The following NFATC1 variants were observed in gnomAD, a reference collection of about 807,000 sequenced individuals.
The protein encoded by NFATC1 is nuclear factor of activated T-cells, cytoplasmic 1.
Under a neutral mutation model 76.0 loss-of-function variants are expected in NFATC1, and 22 were observed. The observed-to-expected ratio is 0.29, with a 90% CI of 0.21 to 0.41. The LOEUF is 0.41. Ranked by LOEUF, NFATC1 falls within the 10% of genes least tolerant of loss-of-function variation. NFATC1 has a pLI of 1.00. For synonymous variants in NFATC1, 704 were observed against 613.1 expected (o/e 1.15, Z -2.19); for missense variants, 1,357 against 1,337.7 (o/e 1.01, Z -0.23).
At chr18:79,515,539 T>C (rs2090360349) in intron 9 of NFATC1, among the ~76,000 whole-genome samples, 1 of 151,846 alleles carries the variant, frequency 6.6e-6, no homozygotes, top group African/African-American at 2.4e-5. Flanking sequence ...GCGTATTGGC[T>C]TCTGAGTTGC....
chr18:79,509,527 G>T (rs972855433), intron 9 of NFATC1, among the ~76,000 whole-genome samples: 11 of 152,266 alleles, frequency 7.2e-5, no homozygotes, highest in Admixed American at 2.6e-4. Flanking sequence ...GTGCCATGCC[G>T]TGGGCCTCAC....
At chr18:79,506,681 T>C (rs1038023495) in intron 9 of NFATC1, among the ~76,000 whole-genome samples, 1 of 152,222 alleles carries the variant, frequency 6.6e-6, no homozygotes, top group Non-Finnish European at 1.5e-5. Context: ...GAATTTCTCG[T>C]AGGGAATAAA....
At chr18:79,469,622 A>C in intron 8 of NFATC1, 1 of 985,362 alleles carries the variant, frequency 1.0e-6, no homozygotes, top group Non-Finnish European at 1.2e-6. Context: ...CCCCCTGCCC[A>C]GTGTCTCGGC....
At chr18:79,428,413 G>A (rs1404425240) in intron 2 of NFATC1, among the ~76,000 whole-genome samples, 4 of 152,212 alleles carry the variant, frequency 2.6e-5, no homozygotes, top group Non-Finnish European at 5.9e-5. Context: ...GGACCCTAGT[G>A]GGTGAGCCGG....
chr18:79,453,370 G>T (rs1441250832), intron 6 of NFATC1, among the ~76,000 whole-genome samples: 2 of 152,224 alleles, frequency 1.3e-5, no homozygotes, highest in African/African-American at 2.4e-5. Flanking sequence ...TCCTGCCCTA[G>T]CCAAGTTACT....
chr18:79,432,263 G>A (rs1315718697), intron 2 of NFATC1, among the ~76,000 whole-genome samples: 1 of 145,460 alleles, frequency 6.9e-6, no homozygotes, highest in African/African-American at 2.6e-5. Context: ...AGATGGGGGA[G>A]TCACAGGCCC....
chr18:79,479,346 G>A (rs1222030892), intron 8 of NFATC1, among the ~76,000 whole-genome samples: 5 of 150,708 alleles, frequency 3.3e-5, no homozygotes, highest in Admixed American at 1.3e-4. Context: ...CCCCCTCCAC[G>A]GGCGACAGCG....
chr18:79,446,761 G>A (rs2087223425), intron 3 of NFATC1, among the ~76,000 whole-genome samples: 1 of 152,232 alleles, frequency 6.6e-6, no homozygotes, highest in Non-Finnish European at 1.5e-5. Flanking sequence ...GGTCTTAGCA[G>A]TAATCACTTT....
chr18:79,460,493 T>C (rs1305581072), intron 6 of NFATC1, among the ~76,000 whole-genome samples: 1 of 152,220 alleles, frequency 6.6e-6, no homozygotes, highest in East Asian at 1.9e-4. Context: ...CGTGTGCGCC[T>C]GGAGCCCCCA....
chr18:79,429,729 A>C (rs1340990756), intron 2 of NFATC1, among the ~76,000 whole-genome samples: 1 of 152,230 alleles, frequency 6.6e-6, no homozygotes, highest in East Asian at 1.9e-4. Context: ...ATTTCTAACC[A>C]AAACCAATCA....
rs1429345572 is a variant in NFATC1, at chr18:79,410,481, G to A, written c.206G>A (p.Cys69Tyr). Reference protein sequence around the residue: ...PTAHSTLPAPCHNLQTSTPGI... With the variant: ...PTAHSTLPAPYHNLQTSTPGI... ...GCGCACTCCACCCTGCCGGCCCCGTGCCACAACCTTCAGACCTCCACACCG... is the reference window on the plus strand; with the variant it reads ...GCGCACTCCACCCTGCCGGCCCCGTACCACAACCTTCAGACCTCCACACCG... The change falls in exon 2 of 10, where the codon TGC becomes TAC. Residue 69 changes from cysteine (C) to tyrosine (Y), a missense_variant. Around this residue, in one of 3 missense-constraint regions of NFATC1, gnomAD observed 691 missense variants for 613.1 expected, o/e 1.13. Coordinates refer to ENST00000427363, the MANE Select transcript of NFATC1 (RefSeq NM_001278669.2). This position sits in a 1 kb window ranked among gnomAD's most constrained non-coding sequence, Gnocchi z 6.7. 1 of 1,612,244 alleles carries A rather than the reference G, an allele frequency of 6.2e-7. No homozygotes were observed. Among genetic ancestry groups the A allele is most frequent in the Admixed American group, 1.7e-5 (1 of 60,008 alleles).
chr18:79,415,438 G>A (rs1018573605), intron 2 of NFATC1, among the ~76,000 whole-genome samples: 4 of 151,908 alleles, frequency 2.6e-5, no homozygotes, highest in East Asian at 2.0e-4. Context: ...GCCCACCACC[G>A]CGCCCGGCTA....
At chr18:79,424,561 C>CTT (rs1197878248) in intron 2 of NFATC1, among the ~76,000 whole-genome samples, 1 of 151,948 alleles carries the variant, frequency 6.6e-6, no homozygotes, top group African/African-American at 2.4e-5. Flanking sequence ...CTCTGTCTCT[C>CTT]TCTGTCTCTG....
At chr18:79,470,871 T>G (rs2088759261) in intron 8 of NFATC1, 1 of 152,258 alleles carries the variant, frequency 6.6e-6, no homozygotes. Context: ...GCTGATGGTC[T>G]GTGATGGGGC....
chr18:79,463,992 C>T (rs909215005), intron 7 of NFATC1, among the ~76,000 whole-genome samples: 3 of 152,262 alleles, frequency 2.0e-5, no homozygotes. Flanking sequence ...ACTTTTGACA[C>T]TGGCATATTT....
At position 79,411,239 on chromosome 18, in the gene NFATC1, G is replaced by A. The variant is rs369082822; in HGVS notation, c.964G>A (p.Asp322Asn). The A allele has an allele frequency of 1.6e-5, 26 of 1,603,806 alleles. No individual in the cohort carries two copies. Among genetic ancestry groups the A allele is most frequent in the East Asian group, 4.5e-5 (2 of 44,872 alleles). Residue 322 changes from aspartate (D) to asparagine (N), a missense_variant, in exon 2 of 10, where the codon GAC (aspartate) becomes AAC (asparagine). Physicochemically the swap from Asp to Asn is conservative, Grantham distance 23. Transcript: ENST00000427363. ...GGCCGCCATCAACGCGCTGACCACC[G>A]ACAGCAGCCTGGACCTGGGAGATGG... ...IVAAINALTTDSSLDLGDGVP... is the reference protein window; with the variant it reads ...IVAAINALTTNSSLDLGDGVP...
At chr18:79,423,343 A>G (rs1370743652) in intron 2 of NFATC1, among the ~76,000 whole-genome samples, 1 of 152,170 alleles carries the variant, frequency 6.6e-6, no homozygotes, top group Non-Finnish European at 1.5e-5. Context: ...CCTGGCTGGC[A>G]GGGCCGCAGC....
At chr18:79,469,877 CG>C (rs2088704870) in intron 8 of NFATC1, 1 of 985,492 alleles carries the variant, frequency 1.0e-6, no homozygotes, top group Non-Finnish European at 1.2e-6. Flanking sequence ...GGGCTGCGAC[CG>C]CAACCTGCAC....
rs2230112 is a variant in NFATC1, at chr18:79,411,061, T to G, written c.786T>G (p.Pro262=). Residue 262 remains proline, a synonymous_variant, in exon 2 of 10, where the codon CCT becomes CCG. Coordinates refer to ENST00000427363, the MANE Select transcript of NFATC1 (RefSeq NM_001278669.2). ...CCCGCTCCTCCAGACCCGCGTCCCC[T>G]TGCAACAAGAGGAAGTACAGCCTCA... ...LGARSSRPAS[P]CNKRKYSLNG... is the part of the protein sequence containing the mutation. The G allele has an allele frequency of 0.67, 1,086,021 of 1,611,554 alleles. 375,840 individuals are homozygous for G. The highest frequency in any genetic ancestry group is 0.85 in the East Asian group (38,256 of 44,790).
Sources: gnomAD v4.1 joint callset for allele counts (sites outside exome capture counted in the v4.1 genomes callset) on GRCh38, gnomAD v4.1.1 for gene constraint, gnomAD v4.1.1 regional missense constraint, Gnocchi (gnomAD v3.1) non-coding constraint, MANE v1.5 for transcripts, NCBI Gene and HGNC (gene_info 2026-07-23, HGNC 2026-07-21) for gene names.